CA10: variants seen among roughly 807,000 people sequenced by gnomAD.
CA10 encodes the protein carbonic anhydrase-related protein 10.
CA10 carries 14 observed loss-of-function variants against 44.2 expected under a neutral mutation model. The ratio of observed to expected loss-of-function variants is 0.32; its 90% confidence interval spans 0.21 to 0.50. The LOEUF (loss-of-function observed/expected upper bound fraction) is 0.50, where lower values mean the gene tolerates loss of function less well. CA10 is among the 20% of genes least tolerant of loss of function. The pLI, the probability that CA10 is intolerant of heterozygous loss-of-function variation, is 0.99. For synonymous variants in CA10, 159 were observed against 141.6 expected (o/e 1.12, Z -0.87); for missense variants, 350 against 409.7 (o/e 0.85, Z 1.26).
chr17:52,057,453 CTTTG>C (rs1206538553), intron 2 of CA10, among the ~76,000 whole-genome samples: 1 of 71,064 alleles, frequency 1.4e-5, no homozygotes, highest in Non-Finnish European at 3.8e-5. Context: ...TTTTCTCTAG[CTTTG>C]TTTATTGTAA....
At chr17:51,946,623 C>T (rs773143137) in intron 2 of CA10, among the ~76,000 whole-genome samples, 2 of 152,080 alleles carry the variant, frequency 1.3e-5, no homozygotes, top group African/African-American at 4.8e-5. Flanking sequence ...GGCATGCCTA[C>T]TCATTCAAAT....
chr17:51,895,409 A>G (rs1286766533), intron 3 of CA10, among the ~76,000 whole-genome samples: 3 of 152,098 alleles, frequency 2.0e-5, no homozygotes, highest in African/African-American at 7.2e-5. Flanking sequence ...TTTTAGACAT[A>G]CAAGAACATA....
intron 3 of CA10, among the ~76,000 whole-genome samples, chr17:51,829,824 A>C (rs537895364): frequency 6.6e-6 from 1 of 152,344 alleles, no homozygotes; most frequent in South Asian, 2.1e-4. Context: ...GTTCTTTCCT[A>C]GAACATAAGG....
At chr17:52,055,121 C>T (rs1445007656) in intron 2 of CA10, among the ~76,000 whole-genome samples, 1 of 151,888 alleles carries the variant, frequency 6.6e-6, no homozygotes, top group Non-Finnish European at 1.5e-5. Context: ...GCCAGTAAGG[C>T]CTGGTCTGGT....
chr17:51,710,127 A>G (rs911977680), intron 4 of CA10, among the ~76,000 whole-genome samples: 3 of 152,194 alleles, frequency 2.0e-5, no homozygotes, highest in Non-Finnish European at 2.9e-5. Context: ...AAAATGAGTC[A>G]GCACTGAAGA....
intron 2 of CA10, among the ~76,000 whole-genome samples, chr17:52,060,788 T>A (rs1987362223): frequency 6.6e-6 from 1 of 152,196 alleles, no homozygotes; most frequent in Non-Finnish European, 1.5e-5. Context: ...GTTAATCAAA[T>A]TTATACATAT....
intron 2 of CA10, among the ~76,000 whole-genome samples, chr17:52,037,823 A>C (rs1986660865): frequency 6.6e-6 from 1 of 152,154 alleles, no homozygotes; most frequent in African/African-American, 2.4e-5. Flanking sequence ...AATTCCCTTA[A>C]CTTTTCCTAA....
Position 51,844,568 on chromosome 17 carries a change from T to C in CA10, c.279+86422A>G, listed in dbSNP as rs1978407377. 2.6e-5 allele frequency among the ~76,000 whole-genome samples: 4 copies of C among 152,358 alleles called. No homozygotes were observed. The South Asian group carries it at 8.3e-4, about 32-fold the overall frequency. On this transcript the variant is annotated intron_variant, in intron 3 of 8. Transcript: ENST00000451037. ...TAAAATAGCGTTTTCTAGGTATCCA[T>C]TGTCATTAAATAACATGGAATGTCT...
intron 3 of CA10, among the ~76,000 whole-genome samples, chr17:51,781,101 C>T (rs780500809): frequency 1.3e-5 from 2 of 151,996 alleles, no homozygotes; most frequent in East Asian, 1.9e-4. Flanking sequence ...GGAGGGAAGG[C>T]GTGACAAGAT....
chr17:51,731,653 TAAAA>T (rs371165542), intron 4 of CA10, among the ~76,000 whole-genome samples: 1 of 109,186 alleles, frequency 9.2e-6, no homozygotes, highest in Non-Finnish European at 1.8e-5. Flanking sequence ...AAGGGGCTGG[TAAAA>T]AAAAAAAAAA....
At chr17:51,640,850 A>G (rs2143233406) in intron 6 of CA10, among the ~76,000 whole-genome samples, 1 of 152,326 alleles carries the variant, frequency 6.6e-6, no homozygotes, top group Middle Eastern at 3.4e-3. Context: ...TCTGGGCATT[A>G]TAGACAGAAA....
intron 3 of CA10, among the ~76,000 whole-genome samples, chr17:51,849,225 ATGTGTG>A (rs201096877): frequency 1.2e-3 from 36 of 29,786 alleles, no homozygotes; most frequent in Non-Finnish European, 2.0e-3. Context: ...ATATACATAT[ATGTGTG>A]TGTATATATA....
At chr17:52,139,209 C>T (rs751293780) in intron 1 of CA10, among the ~76,000 whole-genome samples, 1 of 152,210 alleles carries the variant, frequency 6.6e-6, no homozygotes, top group African/African-American at 2.4e-5. Context: ...TGTGAAGGAA[C>T]AGCAAGAGAG....
At chr17:52,150,246 C>T (rs770392399) in intron 1 of CA10, among the ~76,000 whole-genome samples, 23 of 152,272 alleles carry the variant, frequency 1.5e-4, no homozygotes, top group Middle Eastern at 3.4e-3. Flanking sequence ...CCCTAAGCAT[C>T]CTCTATTAAC....
chr17:51,775,807 G>A (rs1905796516), intron 3 of CA10, among the ~76,000 whole-genome samples: 1 of 152,180 alleles, frequency 6.6e-6, no homozygotes. Flanking sequence ...AGCAGGAAGA[G>A]GCCAAGCAGA....
chr17:51,897,637 T>A (rs971677450), intron 3 of CA10, among the ~76,000 whole-genome samples: 3 of 152,192 alleles, frequency 2.0e-5, no homozygotes, highest in African/African-American at 7.2e-5. Flanking sequence ...TAGCATTGAA[T>A]CTATAAATTG....
chr17:52,106,383 C>T (rs1433961817), intron 1 of CA10, among the ~76,000 whole-genome samples: 1 of 152,130 alleles, frequency 6.6e-6, no homozygotes, highest in East Asian at 1.9e-4. Context: ...TTGCTGAGTC[C>T]TTGAAAATTG....
intron 3 of CA10, among the ~76,000 whole-genome samples, chr17:51,875,513 T>C (rs1243928919): frequency 6.6e-6 from 1 of 152,218 alleles, no homozygotes; most frequent in Non-Finnish European, 1.5e-5. Context: ...GAGGCAGCTT[T>C]ATGCAATGGG....
At chr17:51,975,452 G>A (rs1825330873) in intron 2 of CA10, among the ~76,000 whole-genome samples, 1 of 152,198 alleles carries the variant, frequency 6.6e-6, no homozygotes. Flanking sequence ...ACCAAGGCAG[G>A]CAAATCACCT....
Sources: allele counts gnomAD v4.1 joint callset (sites outside exome capture counted in the v4.1 genomes callset), GRCh38; gene constraint gnomAD v4.1.1; transcripts MANE v1.5; gene names NCBI Gene and HGNC (gene_info 2026-07-23, HGNC 2026-07-21).